OTOP2: variants seen among roughly 807,000 people sequenced by gnomAD.
OTOP2 encodes proton channel OTOP2.
OTOP2 carries 41 observed loss-of-function variants against 47.4 expected under a neutral mutation model. That is an observed-to-expected ratio of 0.87 (90% CI 0.67 to 1.12). OTOP2 has a LOEUF of 1.12. Ranked by LOEUF, OTOP2 falls within the 50% of genes most tolerant of loss-of-function variation. The pLI, the probability that OTOP2 is intolerant of heterozygous loss-of-function variation, is 0.00. For synonymous variants in OTOP2, 328 were observed against 319.6 expected, an observed-to-expected ratio of 1.03 and a Z score of -0.28; for missense variants, 721 against 752.2, an observed-to-expected ratio of 0.96 and a Z score of 0.49.
chr17:74,932,745 G>A (rs970175716), intron 6 of OTOP2, among the ~76,000 whole-genome samples: 14 of 152,194 alleles, frequency 9.2e-5, no homozygotes, highest in African/African-American at 2.9e-4. Flanking sequence ...TGTGCCCAAG[G>A]ATGAAGTTAA....
intron 5 of OTOP2, among the ~76,000 whole-genome samples, chr17:74,928,563 G>A (rs935973774): frequency 6.6e-6 from 1 of 152,164 alleles, no homozygotes; most frequent in Non-Finnish European, 1.5e-5. Context: ...TGTGCTGAGT[G>A]TCTTAAACAC....
chr17:74,927,158 T>C (rs2039014927), intron 3 of OTOP2, 65 bp from the exon 4 acceptor site: 3 of 1,410,214 alleles, frequency 2.1e-6, no homozygotes, highest in Admixed American at 1.7e-5. Context: ...TGGCATGGAC[T>C]TGGGTGCGCT....
chr17:74,924,812 C>A lies in OTOP2; in HGVS notation c.180C>A (p.Thr60=), dbSNP rs1341992660. 4 of 1,611,618 alleles carry A rather than the reference C, an allele frequency of 2.5e-6. No homozygotes were observed. Among genetic ancestry groups the A allele is most frequent in the Non-Finnish European group, 3.4e-6 (4 of 1,179,200 alleles). Residue 60 remains threonine, a synonymous_variant, in exon 2 of 7, where the codon ACC becomes ACA. Coordinates refer to ENST00000331427, the MANE Select transcript of OTOP2 (RefSeq NM_178160.3). This position sits in a 1 kb window ranked among gnomAD's most constrained non-coding sequence, Gnocchi z 7.7. ...TCAACAAGGTGGCCGTGTACGACAC[C>A]GACGTGTTCGCGCTGCTCACTGCGA... ...GAFNKVAVYD[T]DVFALLTAMM... is the part of the protein sequence containing the mutation.
chr17:74,925,185 G>C (rs1324688700), intron 2 of OTOP2, among the ~76,000 whole-genome samples: 1 of 152,126 alleles, frequency 6.6e-6, no homozygotes, highest in Admixed American at 6.5e-5. Context: ...CTGAAGATTA[G>C]AGAAGGCTGG....
rs1269883148 is a variant in OTOP2 at position 74,930,491 on chromosome 17, C to T, written c.856C>T (p.Arg286Trp). The T allele has an allele frequency of 1.9e-6, 3 of 1,613,366 alleles. No homozygotes were observed. The highest frequency in any genetic ancestry group is 2.5e-6 in the Non-Finnish European group (3 of 1,179,312). The change falls in exon 6 of 7, where the codon CGG becomes TGG. Residue 286 changes from arginine to tryptophan, a missense_variant. By Grantham distance (101) the Arg-to-Trp change is moderately radical. Transcript: ENST00000331427. This position sits in a 1 kb window ranked among gnomAD's most constrained non-coding sequence, Gnocchi z 4.0. ...SHTPTPVSLF[R>W]ETFFAGPVLG... ...CACCCCAACCCCTGTCAGCCTCTTC[C>T]GGGAGACCTTTTTTGCTGGCCCGGT...
chr17:74,927,891 G>A, intron 5 of OTOP2, 93 bp downstream of exon 5: 4 of 1,469,004 alleles, frequency 2.7e-6, no homozygotes, highest in Non-Finnish European at 2.7e-6. Context: ...GCCCTCATGA[G>A]GGCATAGAGG....
rs749488014 is a variant in OTOP2 at position 74,930,380 on chromosome 17, G to A, written c.745G>A (p.Glu249Lys). The A allele has an allele frequency of 6.8e-6, 11 of 1,613,954 alleles. No homozygotes were observed. Among genetic ancestry groups the A allele is most frequent in the Admixed American group, 3.3e-5 (2 of 59,996 alleles). ...GYFYLYPFNI[E>K]YSLFASTMLY... ...CTTCTACCTATATCCCTTCAACATCGAGTACAGCCTCTTCGCCTCCACCAT... is the reference window on the plus strand; with the variant it reads ...CTTCTACCTATATCCCTTCAACATCAAGTACAGCCTCTTCGCCTCCACCAT... Residue 249 changes from glutamate to lysine, a missense_variant, in exon 6 of 7, where the codon GAG (glutamate) becomes AAG (lysine). Transcript: ENST00000331427. The surrounding 1 kb of genome is among the most constrained non-coding windows in gnomAD (Gnocchi z 4.0).
Position 74,927,300 on chromosome 17 carries a change from T to C in OTOP2, c.509+19T>C, listed in dbSNP as rs370309252. The C allele has an allele frequency of 5.0e-6, 8 of 1,606,604 alleles. No individual in the cohort carries two copies. The highest frequency in any genetic ancestry group is 4.5e-5 in the East Asian group (2 of 44,870). ...TGACCTGGTGAGAACTGCAGCTCGA[T>C]GCCTGTACCCAGCGTGCTGGTGTTC... On this transcript the variant is annotated intron_variant, in intron 4 of 6. Coordinates refer to ENST00000331427, the MANE Select transcript of OTOP2 (RefSeq NM_178160.3).
At chr17:74,927,467 G>T in intron 4 of OTOP2, 186 bp downstream of exon 4, 5 of 1,007,820 alleles carry the variant, frequency 5.0e-6, no homozygotes, top group South Asian at 4.6e-5. Context: ...AGGGGAGGGA[G>T]TGGTGGTGGC....
chr17:74,932,963 A>G (rs1041703211), intron 6 of OTOP2, among the ~76,000 whole-genome samples: 1 of 151,036 alleles, frequency 6.6e-6, no homozygotes, highest in East Asian at 1.9e-4. Context: ...TGAACCCCAA[A>G]CCCCTGCCTT....
intron 4 of OTOP2, 33 bp downstream of exon 4, chr17:74,927,314 G>GT: frequency 6.3e-7 from 1 of 1,591,144 alleles, no homozygotes; most frequent in South Asian, 1.1e-5. Flanking sequence ...TGTACCCAGC[G>GT]TGCTGGTGTT....
intron 6 of OTOP2, among the ~76,000 whole-genome samples, chr17:74,932,652 C>T (rs1434163533): frequency 6.6e-6 from 1 of 152,238 alleles, no homozygotes; most frequent in African/African-American, 2.4e-5. Context: ...TTGCTCCAGG[C>T]ATCTGAGCCT....
Position 74,924,624 on chromosome 17 carries a change from G to C in OTOP2, c.-9G>C. On this transcript the variant is annotated 5_prime_UTR_variant, in exon 2 of 7. Transcript: ENST00000331427. The surrounding 1 kb of genome is among the most constrained non-coding windows in gnomAD (Gnocchi z 7.7). ...GTGATCCCTCTAGCCTTCTCCAGTCGCCTCCGCCATGTCCGAGGAGCTGGC... is the reference window on the plus strand; with the variant it reads ...GTGATCCCTCTAGCCTTCTCCAGTCCCCTCCGCCATGTCCGAGGAGCTGGC... 2 of 1,554,802 alleles carry C rather than the reference G, an allele frequency of 1.3e-6. No individual in the cohort carries two copies. Among genetic ancestry groups the C allele is most frequent in the Non-Finnish European group, 1.7e-6 (2 of 1,156,492 alleles).
intron 4 of OTOP2, 107 bp from the exon 5 acceptor site, chr17:74,927,558 C>A: frequency 6.9e-7 from 1 of 1,455,982 alleles, no homozygotes; most frequent in Non-Finnish European, 9.3e-7. Flanking sequence ...TCCCTGTTCA[C>A]ACAGGGCCTG....
intron 3 of OTOP2, among the ~76,000 whole-genome samples, chr17:74,926,976 T>C (rs2039013333): frequency 6.6e-6 from 1 of 152,160 alleles, no homozygotes. Context: ...GGTTTTACCA[T>C]GTTGGCCAGG....
In OTOP2 at chr17:74,928,005, G is replaced by A. The variant is rs1034284468; in HGVS notation, c.643+207G>A. On this transcript the variant is annotated intron_variant, in intron 5 of 6. Coordinates refer to ENST00000331427, the MANE Select transcript of OTOP2 (RefSeq NM_178160.3). ...GTATCAGGGGTACCCTTTTATCCTTGAGGCTGCAGCCCAGGCCCCCCTGTC... is the reference window on the plus strand; with the variant it reads ...GTATCAGGGGTACCCTTTTATCCTTAAGGCTGCAGCCCAGGCCCCCCTGTC... 3 of 655,224 alleles carry A rather than the reference G, an allele frequency of 4.6e-6. No individual in the cohort carries two copies. The Admixed American group carries it at 1.0e-4, about 22-fold the overall frequency. 40.6% of individuals were successfully genotyped at this position (655,224 alleles called of 1,614,324 possible). A position where few individuals can be genotyped will look rare whatever the true frequency, so the allele number is the denominator to read the frequency against.
At chr17:74,925,223 G>A (rs1307895060) in intron 2 of OTOP2, among the ~76,000 whole-genome samples, 2 of 152,200 alleles carry the variant, frequency 1.3e-5, no homozygotes, top group East Asian at 3.9e-4. Flanking sequence ...ATGGAGAGCA[G>A]GAACCAGAAG....
rs746785526 is a variant in OTOP2 at position 74,930,731 on chromosome 17, A to G, written c.1096A>G (p.Thr366Ala). 3.1e-6 allele frequency: 5 copies of G among 1,613,544 alleles called. No individual in the cohort carries two copies. Among genetic ancestry groups the G allele is most frequent in the East Asian group, 2.2e-5 (1 of 44,856 alleles). ...AMDHHKNPTR[T>A]LDVALLMGAA... is the part of the protein sequence containing the mutation. ...GGACCACCATAAGAACCCCACGCGC[A>G]CTCTGGACGTGGCCCTGCTGATGGG... Residue 366 changes from threonine (T) to alanine (A), a missense_variant, in exon 6 of 7, where the codon ACT (threonine) becomes GCT (alanine). Transcript: ENST00000331427. This position sits in a 1 kb window ranked among gnomAD's most constrained non-coding sequence, Gnocchi z 4.0.
rs2039047520 is a variant in OTOP2, at chr17:74,930,622, C to T, written c.987C>T (p.Tyr329=). The change falls in exon 6 of 7, where the codon TAC becomes TAT. Residue 329 remains tyrosine (Y), a synonymous_variant. Transcript: ENST00000331427. This position sits in a 1 kb window ranked among gnomAD's most constrained non-coding sequence, Gnocchi z 4.0. ...SRTRQALVIY[Y]SFNIVCLGLT... is the part of the protein sequence containing the mutation. ...CCAGGCAGGCCCTGGTCATCTACTA[C>T]AGCTTCAACATTGTCTGCTTGGGAC... 6 of 1,614,050 alleles carry T rather than the reference C, an allele frequency of 3.7e-6. No individual in the cohort carries two copies. In the East Asian group the frequency reaches 1.3e-4, roughly 36 times the overall value.
Sources: gnomAD v4.1 joint callset for allele counts (sites outside exome capture counted in the v4.1 genomes callset) on GRCh38, gnomAD v4.1.1 for gene constraint, Gnocchi (gnomAD v3.1) non-coding constraint, MANE v1.5 for transcripts, NCBI Gene and HGNC (gene_info 2026-07-23, HGNC 2026-07-21) for gene names.